The following PKN2 variants were observed in gnomAD, a reference collection of about 807,000 sequenced individuals.
PKN2 encodes the protein serine/threonine-protein kinase N2.
Under a neutral mutation model 119.1 loss-of-function variants are expected in PKN2, and 38 were observed. The observed-to-expected ratio is 0.32, with a 90% CI of 0.25 to 0.42. The LOEUF (loss-of-function observed/expected upper bound fraction) is 0.42, where lower values mean the gene tolerates loss of function less well. PKN2 is among the 10% of genes least tolerant of loss of function. PKN2 has a pLI of 1.00. For synonymous variants in PKN2, 390 were observed against 384.9 expected, an observed-to-expected ratio of 1.01 and a Z score of -0.15; for missense variants, 850 against 1,165.1, an observed-to-expected ratio of 0.73 and a Z score of 3.94.
chr1:88,767,015 C>T (rs1162164150), intron 3 of PKN2, among the ~76,000 whole-genome samples: 1 of 152,082 alleles, frequency 6.6e-6, no homozygotes, highest in East Asian at 1.9e-4. Context: ...GATGGAACTA[C>T]TTCATTTTGC....
At chr1:88,827,258 CA>C (rs1236448682) in intron 18 of PKN2, among the ~76,000 whole-genome samples, 1 of 151,762 alleles carries the variant, frequency 6.6e-6, no homozygotes, top group Non-Finnish European at 1.5e-5. Context: ...ACTAGTTAGC[CA>C]AAATGTTAAT....
chr1:88,834,162 A>G lies in PKN2; in HGVS notation c.*714A>G, dbSNP rs1299131872. ...CAGTGCTGAAACAAACAGGATCAGC[A>G]TTTACTTAAGATGTTAAGAATGAGG... On this transcript the variant is annotated 3_prime_UTR_variant, in exon 22 of 22. Transcript: ENST00000370521. 2.0e-5 allele frequency: 3 copies of G among 152,080 alleles called. No homozygotes were observed. The highest frequency in any genetic ancestry group is 1.9e-4 in the East Asian group (1 of 5,206). The allele number at this position is 152,080 out of a possible 1,614,324, so 9.4% of individuals were successfully genotyped here.
chr1:88,734,092 A>G (rs1668245353), intron 1 of PKN2, among the ~76,000 whole-genome samples: 1 of 151,996 alleles, frequency 6.6e-6, no homozygotes, highest in African/African-American at 2.4e-5. Flanking sequence ...CAATGTTTCA[A>G]GGTTGCTAAT....
intron 8 of PKN2, among the ~76,000 whole-genome samples, chr1:88,803,595 G>A (rs1434076480): frequency 6.6e-6 from 1 of 152,074 alleles, no homozygotes; most frequent in Non-Finnish European, 1.5e-5. Flanking sequence ...TGTTCTACAG[G>A]TGCATTTAAA....
At chr1:88,778,673 G>A (rs1670203192) in intron 6 of PKN2, among the ~76,000 whole-genome samples, 1 of 151,612 alleles carries the variant, frequency 6.6e-6, no homozygotes, top group African/African-American at 2.4e-5. Context: ...CATTGTTTTT[G>A]ACAGATGCCC....
intron 2 of PKN2, among the ~76,000 whole-genome samples, chr1:88,755,012 G>T (rs983520703): frequency 3.3e-5 from 5 of 152,080 alleles, no homozygotes; most frequent in Non-Finnish European, 7.4e-5. Context: ...TTTGTTTTTT[G>T]TTGTAATCAT....
At chr1:88,737,141 G>A (rs1668381664) in intron 1 of PKN2, among the ~76,000 whole-genome samples, 1 of 152,178 alleles carries the variant, frequency 6.6e-6, no homozygotes, top group South Asian at 2.1e-4. Context: ...GCTCACACCT[G>A]AAAACCATAG....
At chr1:88,692,109 C>G (rs1319134564) in intron 1 of PKN2, among the ~76,000 whole-genome samples, 1 of 151,706 alleles carries the variant, frequency 6.6e-6, no homozygotes, top group South Asian at 2.1e-4. Flanking sequence ...TGAATATAAT[C>G]TTTTTGAACT....
intron 8 of PKN2, among the ~76,000 whole-genome samples, chr1:88,798,148 T>A (rs1354810639): frequency 1.3e-5 from 2 of 151,688 alleles, no homozygotes; most frequent in East Asian, 3.9e-4. Flanking sequence ...TTCAGAAGCT[T>A]AGGGGAATAA....
At chr1:88,799,457 G>T (rs1229823050) in intron 8 of PKN2, among the ~76,000 whole-genome samples, 1 of 152,072 alleles carries the variant, frequency 6.6e-6, no homozygotes, top group Non-Finnish European at 1.5e-5. Context: ...GGATTCCATT[G>T]TCCTTCCTTC....
chr1:88,724,289 A>G (rs771508996), intron 1 of PKN2, among the ~76,000 whole-genome samples: 9 of 152,274 alleles, frequency 5.9e-5, no homozygotes, highest in South Asian at 2.1e-4. Context: ...GATAGTTTAT[A>G]TTCATTAGTT....
intron 1 of PKN2, among the ~76,000 whole-genome samples, chr1:88,715,899 T>C (rs544418514): frequency 6.6e-6 from 1 of 152,342 alleles, no homozygotes; most frequent in African/African-American, 2.4e-5. Context: ...GTGTTGATTT[T>C]AGATCTTTCC....
At chr1:88,728,993 CA>C (rs1668016558) in intron 1 of PKN2, among the ~76,000 whole-genome samples, 1 of 150,634 alleles carries the variant, frequency 6.6e-6, no homozygotes, top group Non-Finnish European at 1.5e-5. Context: ...CTCCTGGGTT[CA>C]AGCGATTCTC....
intron 1 of PKN2, among the ~76,000 whole-genome samples, chr1:88,733,830 A>G (rs964115502): frequency 2.6e-5 from 4 of 152,214 alleles, no homozygotes; most frequent in African/African-American, 7.2e-5. Context: ...TTGAAAATTC[A>G]AAACGTTCCA....
intron 1 of PKN2, among the ~76,000 whole-genome samples, chr1:88,717,570 C>T (rs1014529044): frequency 2.6e-5 from 4 of 151,770 alleles, no homozygotes; most frequent in African/African-American, 9.7e-5. Flanking sequence ...ATCCTTTCTT[C>T]TGCTTGATCG....
intron 10 of PKN2, 41 bp from the exon 11 acceptor site, chr1:88,805,456 A>G: frequency 6.7e-7 from 1 of 1,484,668 alleles, no homozygotes; most frequent in Non-Finnish European, 9.1e-7. Flanking sequence ...GTTATACATA[A>G]AGAAATTACT....
At chr1:88,778,774 C>T (rs1378408880) in intron 6 of PKN2, among the ~76,000 whole-genome samples, 6 of 151,640 alleles carry the variant, frequency 4.0e-5, no homozygotes, top group South Asian at 2.1e-4. Flanking sequence ...AGTGCAGTGG[C>T]GTGATCTCCG....
chr1:88,746,633 G>A (rs1668781046), intron 2 of PKN2, among the ~76,000 whole-genome samples: 1 of 152,106 alleles, frequency 6.6e-6, no homozygotes, highest in Non-Finnish European at 1.5e-5. Flanking sequence ...ATGGAGAAAA[G>A]GGAAGCCTTG....
intron 1 of PKN2, among the ~76,000 whole-genome samples, chr1:88,729,642 C>T (rs932071745): frequency 6.6e-6 from 1 of 152,202 alleles, no homozygotes; most frequent in Non-Finnish European, 1.5e-5. Context: ...GCTATGAGCT[C>T]TCTTGAAGCC....
Sources: gnomAD v4.1 joint callset for allele counts (sites outside exome capture counted in the v4.1 genomes callset) on GRCh38, gnomAD v4.1.1 for gene constraint, MANE v1.5 for transcripts, NCBI Gene and HGNC (gene_info 2026-07-23, HGNC 2026-07-21) for gene names.